LINGO2: variants seen among roughly 807,000 people sequenced by gnomAD.
The protein encoded by LINGO2 is leucine-rich repeat and immunoglobulin-like domain-containing nogo receptor-interacting protein 2.
LINGO2 carries 14 observed loss-of-function variants against 30.6 expected under a neutral mutation model. That is an observed-to-expected ratio of 0.46 (90% CI 0.30 to 0.72). The LOEUF is 0.72. Among genes scored for constraint, LINGO2 ranks in the 30% least tolerant of loss-of-function variants. The pLI is 0.07. For synonymous variants in LINGO2, 317 were observed against 288.5 expected, an observed-to-expected ratio of 1.10 and a Z score of -1.00; for missense variants, 729 against 751.7, an observed-to-expected ratio of 0.97 and a Z score of 0.35.
intron 4 of LINGO2, among the ~76,000 whole-genome samples, chr9:28,050,718 T>TA (rs1282628228): frequency 6.6e-6 from 1 of 151,016 alleles, no homozygotes; most frequent in East Asian, 2.0e-4. Context: ...CATTCCACTG[T>TA]AAGTGCTAAA....
chr9:28,581,480 ACCC>A (rs1824255262), intron 1 of LINGO2, among the ~76,000 whole-genome samples: 1 of 151,406 alleles, frequency 6.6e-6, no homozygotes. Context: ...AAAGGTCTAA[ACCC>A]AAGATTCATG....
chr9:28,715,998 T>C, the LINGO2 span, among the ~76,000 whole-genome samples: 2 of 152,054 alleles, frequency 1.3e-5, no homozygotes, highest in South Asian at 4.2e-4. Context: ...GACAATAAAA[T>C]GTGTTGTGAT....
intron 4 of LINGO2, among the ~76,000 whole-genome samples, chr9:28,018,108 A>G (rs1395745994): frequency 6.6e-6 from 1 of 152,176 alleles, no homozygotes; most frequent in Non-Finnish European, 1.5e-5. Context: ...GCAATGGGGA[A>G]AGGGATACCT....
At chr9:28,240,577 A>T (rs2133970706) in intron 4 of LINGO2, among the ~76,000 whole-genome samples, 1 of 152,298 alleles carries the variant, frequency 6.6e-6, no homozygotes, top group African/African-American at 2.4e-5. Flanking sequence ...TGCTGGGAAA[A>T]CTGGTTATCT....
chr9:28,717,059 AT>A, the LINGO2 span, among the ~76,000 whole-genome samples: 9 of 151,618 alleles, frequency 5.9e-5, no homozygotes, highest in Admixed American at 4.0e-4. Context: ...TGAGACAGCA[AT>A]TTTTTTTTCC....
At chr9:28,885,360 T>TATACACAC in the LINGO2 span, among the ~76,000 whole-genome samples, 62 of 144,162 alleles carry the variant, frequency 4.3e-4, no homozygotes, top group African/African-American at 1.5e-3. Context: ...TATATATATA[T>TATACACAC]ACACACACAC....
the LINGO2 span, among the ~76,000 whole-genome samples, chr9:28,901,150 G>C: frequency 6.6e-6 from 1 of 152,022 alleles, no homozygotes; most frequent in South Asian, 2.1e-4. Flanking sequence ...TAGACCAGGA[G>C]AAAGTAGGAT....
chr9:28,749,612 C>T, the LINGO2 span, among the ~76,000 whole-genome samples: 1 of 151,912 alleles, frequency 6.6e-6, no homozygotes, highest in South Asian at 2.1e-4. Context: ...AAAAAATTAT[C>T]TCATAATAGT....
intron 1 of LINGO2, among the ~76,000 whole-genome samples, chr9:28,476,982 A>G (rs1000036748): frequency 2.6e-5 from 4 of 152,136 alleles, no homozygotes; most frequent in African/African-American, 9.7e-5. Flanking sequence ...TTGATCAATC[A>G]TTTCCTTCTT....
chr9:29,163,957 C>A, the LINGO2 span, among the ~76,000 whole-genome samples: 1,098 of 152,226 alleles, frequency 7.2e-3, 9 homozygotes, highest in African/African-American at 0.025. Context: ...CCTCACCCAA[C>A]AAAGTATGGA....
At chr9:27,960,399 G>GCAT (rs1165619454) in intron 5 of LINGO2, among the ~76,000 whole-genome samples, 1 of 152,122 alleles carries the variant, frequency 6.6e-6, no homozygotes, top group African/African-American at 2.4e-5. Context: ...GACCTGAGAA[G>GCAT]CATCTAAACA....
chr9:28,218,151 A>T (rs1293447925), intron 4 of LINGO2, among the ~76,000 whole-genome samples: 1 of 147,870 alleles, frequency 6.8e-6, no homozygotes, highest in Non-Finnish European at 1.5e-5. Flanking sequence ...CTAATATAAC[A>T]TTATCAAATA....
chr9:28,558,364 A>G (rs1347215659), intron 1 of LINGO2, among the ~76,000 whole-genome samples: 2 of 151,892 alleles, frequency 1.3e-5, no homozygotes, highest in Non-Finnish European at 2.9e-5. Context: ...GATCTCAATA[A>G]GAGGGGAGAG....
intron 1 of LINGO2, among the ~76,000 whole-genome samples, chr9:28,481,488 C>T (rs912412435): frequency 3.9e-5 from 6 of 152,144 alleles, no homozygotes; most frequent in African/African-American, 1.4e-4. Flanking sequence ...TTCAGAGGAA[C>T]ATTCCTTTGA....
the LINGO2 span, among the ~76,000 whole-genome samples, chr9:28,931,042 A>C: frequency 6.6e-6 from 1 of 152,164 alleles, no homozygotes; most frequent in Non-Finnish European, 1.5e-5. Context: ...TGGAGGAAAA[A>C]ACCTCCTGGA....
chr9:28,305,164 C>A (rs1443270036), intron 3 of LINGO2, among the ~76,000 whole-genome samples: 3 of 151,914 alleles, frequency 2.0e-5, no homozygotes, highest in African/African-American at 4.8e-5. Flanking sequence ...AAGCATTTGA[C>A]AAAATTCAAC....
At chr9:28,342,868 A>G (rs189810447) in intron 3 of LINGO2, among the ~76,000 whole-genome samples, 1 of 152,290 alleles carries the variant, frequency 6.6e-6, no homozygotes, top group East Asian at 1.9e-4. Context: ...TTTAAACAAA[A>G]CAATAACAAA....
chr9:28,729,685 A>G, the LINGO2 span, among the ~76,000 whole-genome samples: 20 of 152,164 alleles, frequency 1.3e-4, no homozygotes, highest in Middle Eastern at 3.4e-3. Flanking sequence ...AAAAGAAGAT[A>G]AACAGAAGGA....
the LINGO2 span, among the ~76,000 whole-genome samples, chr9:28,821,679 C>T: frequency 6.6e-6 from 1 of 152,294 alleles, no homozygotes; most frequent in Admixed American, 6.5e-5. Flanking sequence ...TATACTTGCT[C>T]TGGCAGCCCA....
Sources: allele counts gnomAD v4.1 joint callset (sites outside exome capture counted in the v4.1 genomes callset), GRCh38; gene constraint gnomAD v4.1.1; transcripts MANE v1.5; gene names NCBI Gene and HGNC (gene_info 2026-07-23, HGNC 2026-07-21).